CSMD1: variants seen among roughly 807,000 people sequenced by gnomAD.
CSMD1 encodes CUB and Sushi multiple domains 1.
In CSMD1, 213 loss-of-function variants were observed where a neutral mutation model predicts 417.5. The ratio of observed to expected loss-of-function variants is 0.51; its 90% confidence interval spans 0.46 to 0.57. The LOEUF is 0.57. Ranked by LOEUF, CSMD1 falls within the 20% of genes least tolerant of loss-of-function variation. The probability of loss-of-function intolerance (pLI) is 0.00; values close to 1 mark genes in which losing one functional copy is unlikely to be tolerated. For missense variants in CSMD1, 6,923 were observed against 4,529.7 expected, an observed-to-expected ratio of 1.53 and a Z score of -15.17; for synonymous variants, 2,862 against 1,736.8, an observed-to-expected ratio of 1.65 and a Z score of -16.11.
At chr8:4,290,069 C>T (rs1339420689) in intron 3 of CSMD1, among the ~76,000 whole-genome samples, 3 of 152,254 alleles carry the variant, frequency 2.0e-5, no homozygotes, top group South Asian at 2.1e-4. Flanking sequence ...AAATTCAGCA[C>T]GGTCTTTTTT....
chr8:2,953,130 A>G (rs1394753183), intron 65 of CSMD1, among the ~76,000 whole-genome samples: 1 of 152,224 alleles, frequency 6.6e-6, no homozygotes, highest in African/African-American at 2.4e-5. Flanking sequence ...CACAACAATA[A>G]TAACAAAAAG....
rs868447441 is a variant in CSMD1 at position 4,070,418 on chromosome 8, T to C, written c.416-38319A>G. 4.6e-4 allele frequency among the ~76,000 whole-genome samples: 70 copies of C among 152,230 alleles called. 2 individuals are homozygous for C. Among genetic ancestry groups the C allele is most frequent in the East Asian group, 1.9e-3 (10 of 5,178 alleles). On this transcript the variant is annotated intron_variant, in intron 3 of 69. Transcript: ENST00000635120. The stretch of plus-strand genomic sequence containing the variant: ...TGTCGCCCAGGCTGGAGTGCAGTGG[T>C]GGGATCTCGGCTCACTGCAAGCTCC...
At chr8:3,847,810 G>C (rs774826717) in intron 5 of CSMD1, among the ~76,000 whole-genome samples, 2 of 152,060 alleles carry the variant, frequency 1.3e-5, no homozygotes, top group Non-Finnish European at 2.9e-5. Context: ...GCCAATAATT[G>C]CACATCAAAC....
Position 4,784,484 on chromosome 8 carries a change from T to C in CSMD1, c.86-146926A>G, listed in dbSNP as rs568753491. 5.3e-5 allele frequency among the ~76,000 whole-genome samples: 8 copies of C among 152,338 alleles called. No individual in the cohort carries two copies. In the South Asian group the frequency reaches 1.7e-3, roughly 32 times the overall value. On this transcript the variant is annotated intron_variant, in intron 1 of 69. Coordinates refer to ENST00000635120, the MANE Select transcript of CSMD1 (RefSeq NM_033225.6). Reference sequence around the variant, plus strand: ...ACTTGCATTGAAATTTTAACTGCTGTTTTACATAGACCAAATATCTTCACT... The same window carrying C: ...ACTTGCATTGAAATTTTAACTGCTGCTTTACATAGACCAAATATCTTCACT...
At chr8:3,171,974 A>C (rs1820608055) in intron 37 of CSMD1, among the ~76,000 whole-genome samples, 1 of 152,198 alleles carries the variant, frequency 6.6e-6, no homozygotes, top group Non-Finnish European at 1.5e-5. Flanking sequence ...CTGTTTCCAA[A>C]GGCTAGACTT....
intron 5 of CSMD1, among the ~76,000 whole-genome samples, chr8:3,952,637 G>C (rs1811667065): frequency 6.6e-6 from 1 of 152,116 alleles, no homozygotes; most frequent in Non-Finnish European, 1.5e-5. Context: ...GGGTAGAGCT[G>C]TTTTCCTGGG....
intron 30 of CSMD1, among the ~76,000 whole-genome samples, chr8:3,212,415 C>G (rs1297903687): frequency 6.6e-6 from 1 of 152,146 alleles, no homozygotes; most frequent in African/African-American, 2.4e-5. Flanking sequence ...GTGGAGCAAT[C>G]TCGGCTCACT....
At chr8:4,269,236 T>C (rs1804417847) in intron 3 of CSMD1, among the ~76,000 whole-genome samples, 1 of 152,118 alleles carries the variant, frequency 6.6e-6, no homozygotes, top group African/African-American at 2.4e-5. Flanking sequence ...TTTGTATATT[T>C]AGCAGAGATG....
chr8:3,815,123 A>T (rs1385393728), intron 5 of CSMD1, among the ~76,000 whole-genome samples: 1 of 152,168 alleles, frequency 6.6e-6, no homozygotes, highest in Non-Finnish European at 1.5e-5. Flanking sequence ...TAGACATGGG[A>T]TATTTTGCTT....
At chr8:3,325,642 G>T (rs1806476944) in intron 23 of CSMD1, among the ~76,000 whole-genome samples, 1 of 152,172 alleles carries the variant, frequency 6.6e-6, no homozygotes. Context: ...TGCTCAGCGT[G>T]GTGAAACCCC....
chr8:4,183,158 C>T (rs766923152), intron 3 of CSMD1, among the ~76,000 whole-genome samples: 6 of 151,858 alleles, frequency 4.0e-5, no homozygotes, highest in East Asian at 1.9e-4. Flanking sequence ...TTAATTAATG[C>T]GTAAGTGCAG....
intron 1 of CSMD1, among the ~76,000 whole-genome samples, chr8:4,720,644 A>G (rs1308319394): frequency 1.3e-5 from 2 of 152,266 alleles, no homozygotes; most frequent in Non-Finnish European, 2.9e-5. Context: ...CTCCTCTCGA[A>G]TTCCTAAACT....
At chr8:3,351,748 T>G (rs534312088) in intron 21 of CSMD1, among the ~76,000 whole-genome samples, 1 of 126,862 alleles carries the variant, frequency 7.9e-6, no homozygotes, top group Non-Finnish European at 1.7e-5. Flanking sequence ...ATGTATTAAA[T>G]ATAAATATAT....
At chr8:3,874,159 G>A (rs932879825) in intron 5 of CSMD1, among the ~76,000 whole-genome samples, 3 of 152,136 alleles carry the variant, frequency 2.0e-5, no homozygotes, top group Admixed American at 6.5e-5. Flanking sequence ...AATCTGCTAT[G>A]TGCTATAAAG....
chr8:3,447,747 C>T (rs915755065), intron 12 of CSMD1, among the ~76,000 whole-genome samples: 4 of 152,122 alleles, frequency 2.6e-5, no homozygotes, highest in African/African-American at 9.7e-5. Context: ...CTTGGAGTGG[C>T]CAGTCAGGTT....
intron 10 of CSMD1, among the ~76,000 whole-genome samples, chr8:3,547,050 G>A (rs532878112): frequency 1.2e-4 from 18 of 152,284 alleles, no homozygotes; most frequent in Admixed American, 1.1e-3. Context: ...CTCTGAATCT[G>A]CTGTTTAGCT....
At chr8:4,920,938 G>C (rs1290904022) in intron 1 of CSMD1, among the ~76,000 whole-genome samples, 2 of 2,298 alleles carry the variant, frequency 8.7e-4, no homozygotes. Flanking sequence ...AAGAGAGAAA[G>C]AAAGAAAGAA....
At chr8:4,923,781 C>A (rs1806661943) in intron 1 of CSMD1, among the ~76,000 whole-genome samples, 1 of 152,074 alleles carries the variant, frequency 6.6e-6, no homozygotes, top group Admixed American at 6.6e-5. Context: ...CTCCAAGATT[C>A]AGTGTCCCAA....
chr8:4,954,524 C>G (rs1235553152), intron 1 of CSMD1, among the ~76,000 whole-genome samples: 1 of 152,100 alleles, frequency 6.6e-6, no homozygotes, highest in South Asian at 2.1e-4. Context: ...CTCAATTCAT[C>G]TATAGATTTT....
Sources: allele counts gnomAD v4.1 joint callset (sites outside exome capture counted in the v4.1 genomes callset), GRCh38; gene constraint gnomAD v4.1.1; transcripts MANE v1.5; gene names NCBI Gene and HGNC (gene_info 2026-07-23, HGNC 2026-07-21).